ZNF778: variants seen among roughly 807,000 people sequenced by gnomAD.
ZNF778 encodes the protein zinc finger protein 778.
ZNF778 carries 37 observed loss-of-function variants against 23.9 expected under a neutral mutation model. The ratio of observed to expected loss-of-function variants is 1.54; its 90% CI spans 1.19 to 2.03. The LOEUF (loss-of-function observed/expected upper bound fraction) is 2.03, where lower values mean the gene tolerates loss of function less well. Among genes scored for constraint, ZNF778 ranks in the 30% most tolerant of loss-of-function variants. The probability of loss-of-function intolerance (pLI) is 0.00; values close to 1 mark genes in which losing one functional copy is unlikely to be tolerated. For missense variants in ZNF778, 1,297 were observed against 934.4 expected (o/e 1.39, Z -5.06); for synonymous variants, 483 against 343.9 (o/e 1.40, Z -4.48).
In ZNF778 at chr16:89,233,883, C is replaced by T. The variant is rs1321419898; in HGVS notation, c.*5321C>T. The T allele has an allele frequency of 2.3e-6, 3 of 1,289,540 alleles. No individual in the cohort carries two copies. Among genetic ancestry groups the T allele is most frequent in the Non-Finnish European group, 3.0e-6 (3 of 989,024 alleles). 79.9% of individuals were successfully genotyped at this position (1,289,540 alleles called of 1,614,324 possible). The stretch of plus-strand genomic sequence containing the variant: ...TAACTACCACACCAAGCCAGTATTT[C>T]TCCTCCCTGAAGTCAGCCCAGGATG... On this transcript the variant is annotated 3_prime_UTR_variant, in exon 7 of 7. Transcript: ENST00000433976.
At chr16:89,224,236 C>T (rs1424139792) in intron 4 of ZNF778, among the ~76,000 whole-genome samples, 1 of 151,102 alleles carries the variant, frequency 6.6e-6, no homozygotes, top group Non-Finnish European at 1.5e-5. Context: ...CCTGTAATCC[C>T]AGCACTCTGG....
rs112403233 is a variant in ZNF778 at position 89,228,094 on chromosome 16, G to A, written c.1806G>A (p.Ser602=). 37 of 1,612,576 alleles carry A rather than the reference G, an allele frequency of 2.3e-5. No homozygotes were observed. The highest frequency in any genetic ancestry group is 1.9e-4 in the African/African-American group (14 of 74,776). The change falls in exon 7 of 7, where the codon TCG becomes TCA. Residue 602 remains serine, a synonymous_variant. Coordinates refer to ENST00000433976, the MANE Select transcript of ZNF778 (RefSeq NM_001201407.2). The stretch of plus-strand genomic sequence containing the variant: ...GTGGGAAAACATTCACTGTTTCTTC[G>A]AGCCTAACCGAGCACATACGAACTC... ...KDCGKTFTVS[S]SLTEHIRTHT... is the part of the protein sequence containing the mutation.
chr16:89,228,488 T>C lies in ZNF778; in HGVS notation c.2200T>C (p.Cys734Arg). Residue 734 changes from cysteine (C) to arginine (R), a missense_variant, in exon 7 of 7, where the codon TGT becomes CGT. Coordinates refer to ENST00000433976, the MANE Select transcript of ZNF778 (RefSeq NM_001201407.2). ...TEEQVFVCKD[C>R]GKSFKNSSCL... is the part of the protein sequence containing the mutation. ...AGAGCAGGTTTTTGTATGTAAGGAC[T>C]GTGGAAAATCTTTTAAGAATTCCTC... 1 of 1,610,330 alleles carries C rather than the reference T, an allele frequency of 6.2e-7. No individual in the cohort carries two copies. Among genetic ancestry groups the C allele is most frequent in the Non-Finnish European group, 8.5e-7 (1 of 1,178,900 alleles).
chr16:89,220,403 A>G (rs2030809298), intron 1 of ZNF778, among the ~76,000 whole-genome samples: 1 of 152,156 alleles, frequency 6.6e-6, no homozygotes, highest in East Asian at 1.9e-4. Context: ...CACGCCTGTA[A>G]TCTCAACACT....
At position 89,236,390 on chromosome 16, in the gene ZNF778, A is replaced by C. The variant is rs2032237394; in HGVS notation, c.*7828A>C. 1 of 152,206 alleles carries C rather than the reference A, an allele frequency of 6.6e-6. No individual in the cohort carries two copies. The highest frequency in any genetic ancestry group is 6.5e-5 in the Admixed American group (1 of 15,270). 9.4% of individuals were successfully genotyped at this position (152,206 alleles called of 1,614,324 possible). ...GAAATAAAAAGAAATGCCAACCCAG[A>C]TTGCTATATCCAACAAAATATCCTT... On this transcript the variant is annotated 3_prime_UTR_variant, in exon 7 of 7. Transcript: ENST00000433976.
chr16:89,233,367 G>GCACTGCGTATGCAACTCAACT lies in ZNF778; in HGVS notation c.*4807_*4827dup. Reference sequence around the variant, plus strand: ...TCAGCTCGCACTGCGTATGCAACTCGCACTGCGTATGCAACTCAACTCGCA... The same window carrying GCACTGCGTATGCAACTCAACT: ...TCAGCTCGCACTGCGTATGCAACTCGCACTGCGTATGCAACTCAACTCACTGCGTATGCAACTCAACTCGCA... On this transcript the variant is annotated 3_prime_UTR_variant, in exon 7 of 7. Coordinates refer to ENST00000433976, the MANE Select transcript of ZNF778 (RefSeq NM_001201407.2). The GCACTGCGTATGCAACTCAACT allele has an allele frequency of 1.3e-6, 1 of 788,440 alleles. No homozygotes were observed. The highest frequency in any genetic ancestry group is 1.7e-6 in the Non-Finnish European group (1 of 593,952). 48.8% of individuals were successfully genotyped at this position (788,440 alleles called of 1,614,324 possible).
rs2030498295 is a variant in ZNF778 at position 89,217,882 on chromosome 16, C to T, written c.-160C>T. On this transcript the variant is annotated 5_prime_UTR_variant, in exon 1 of 7. Transcript: ENST00000433976. The stretch of plus-strand genomic sequence containing the variant: ...AAAGTCGCCGCCGCTCGCGGTAGAC[C>T]CGGGCAGCGCTTCCATTCCGCGGAG... The T allele has an allele frequency of 6.6e-6, 1 of 152,300 alleles. No homozygotes were observed. The highest frequency in any genetic ancestry group is 1.5e-5 in the Non-Finnish European group (1 of 68,070). The allele number at this position is 152,300 out of a possible 1,614,324, so 9.4% of individuals were successfully genotyped here.
rs542416152 is a variant in ZNF778, at chr16:89,227,064, G to C, written c.776G>C (p.Gly259Ala). The C allele has an allele frequency of 8.2e-5, 132 of 1,613,990 alleles. No homozygotes were observed. In the Middle Eastern group the frequency reaches 8.2e-4, roughly 10 times the overall value. Residue 259 changes from glycine to alanine, a missense_variant, in exon 7 of 7, where the codon GGG (glycine) becomes GCG (alanine). Gly to Ala is a moderately conservative substitution (Grantham distance 60, BLOSUM62 0). Transcript: ENST00000433976. Reference sequence around the variant, plus strand: ...GAAACATGGAAATGGAAGCCGTGTGGGAAAGCTCTAACTCACTCCATGGGC... The same window carrying C: ...GAAACATGGAAATGGAAGCCGTGTGCGAAAGCTCTAACTCACTCCATGGGC... Reference protein sequence around the residue: ...GEETWKWKPCGKALTHSMGCA... With the variant: ...GEETWKWKPCAKALTHSMGCA...
At chr16:89,218,590 C>T (rs1167135332) in intron 1 of ZNF778, among the ~76,000 whole-genome samples, 1 of 144,464 alleles carries the variant, frequency 6.9e-6, no homozygotes. Flanking sequence ...AGGAGACCGA[C>T]ACCATCCTGG....
chr16:89,222,691 G>A (rs925195944), intron 3 of ZNF778, among the ~76,000 whole-genome samples: 1 of 152,168 alleles, frequency 6.6e-6, no homozygotes, highest in Non-Finnish European at 1.5e-5. Flanking sequence ...TTTCACCCTT[G>A]TGCCAAATGC....
intron 1 of ZNF778, among the ~76,000 whole-genome samples, chr16:89,220,230 C>T (rs1206027600): frequency 6.6e-6 from 1 of 152,204 alleles, no homozygotes; most frequent in African/African-American, 2.4e-5. Flanking sequence ...ACAGTTTATA[C>T]AAGGAGAATG....
chr16:89,234,621 T>G lies in ZNF778; in HGVS notation c.*6059T>G. ...TGTTTCCACTTTTGTGATGATGCCT[T>G]AAGGAAAAAGATTGTGCCAGGTGTG... is the stretch of plus-strand genomic sequence containing the variant. On this transcript the variant is annotated 3_prime_UTR_variant, in exon 7 of 7. Transcript: ENST00000433976. 1 of 158,642 alleles carries G rather than the reference T, an allele frequency of 6.3e-6. No homozygotes were observed. The highest frequency in any genetic ancestry group is 1.8e-4 in the South Asian group (1 of 5,418). The allele number at this position is 158,642 out of a possible 1,614,324, so 9.8% of individuals were successfully genotyped here.
rs370155131 is a variant in ZNF778, at chr16:89,227,727, A to C, written c.1439A>C (p.Lys480Thr). The change falls in exon 7 of 7, where the codon AAA becomes ACA. Residue 480 changes from lysine to threonine, a missense_variant. Coordinates refer to ENST00000433976, the MANE Select transcript of ZNF778 (RefSeq NM_001201407.2). ...THTGEKPYEC[K>T]DCGKSFTVSS... ...ACTGGAGAGAAACCATATGAATGTAAAGATTGTGGGAAATCCTTCACTGTT... is the reference window on the plus strand; with the variant it reads ...ACTGGAGAGAAACCATATGAATGTACAGATTGTGGGAAATCCTTCACTGTT... 113 of 1,614,016 alleles carry C rather than the reference A, an allele frequency of 7.0e-5. No homozygotes were observed. Among genetic ancestry groups the C allele is most frequent in the Non-Finnish European group, 8.8e-5 (104 of 1,180,006 alleles).
At chr16:89,220,416 G>T (rs937303653) in intron 1 of ZNF778, among the ~76,000 whole-genome samples, 6 of 152,176 alleles carry the variant, frequency 3.9e-5, no homozygotes, top group Non-Finnish European at 5.9e-5. Context: ...TCAACACTTT[G>T]GGAGGCCGAG....
At chr16:89,223,135 A>G (rs368106527) in intron 3 of ZNF778, 22 bp from the exon 4 acceptor site, 52 of 1,609,256 alleles carry the variant, frequency 3.2e-5, no homozygotes, top group Non-Finnish European at 4.2e-5. Flanking sequence ...GAAGGCTCCA[A>G]CCGTCATGTG....
rs10400958 is a variant in ZNF778, at chr16:89,231,544, G to A, written c.*2982G>A. The A allele has an allele frequency of 0.1, 15,735 of 152,146 alleles. 1,097 individuals carry two copies. The highest frequency in any genetic ancestry group is 0.2 in the African/African-American group (8,209 of 41,430). The allele number at this position is 152,146 out of a possible 1,614,324, so 9.4% of individuals were successfully genotyped here. The stretch of plus-strand genomic sequence containing the variant: ...ACTTCTTCAGAACCTCCTCAGCAGC[G>A]ATGCCCATGGACTGGGGTTCCTAAG... On this transcript the variant is annotated 3_prime_UTR_variant, in exon 7 of 7. Transcript: ENST00000433976.
At position 89,235,271 on chromosome 16, in the gene ZNF778, TC is replaced by T. The variant is rs1394776111; in HGVS notation, c.*6711del. ...TCCAGATCGGGGCCTCATGCTGACT[TC>T]CGTTTTCACACAACGAGTGGGAAAC... On this transcript the variant is annotated 3_prime_UTR_variant, in exon 7 of 7. Transcript: ENST00000433976. 2 of 151,520 alleles carry T rather than the reference TC, an allele frequency of 1.3e-5. No individual in the cohort carries two copies. The highest frequency in any genetic ancestry group is 4.8e-5 in the African/African-American group (2 of 41,414). 9.4% of individuals were successfully genotyped at this position (151,520 alleles called of 1,614,324 possible). A position where few individuals can be genotyped will look rare whatever the true frequency, so the allele number is the denominator to read the frequency against.
intron 6 of ZNF778, 130 bp from the exon 7 acceptor site, chr16:89,226,564 C>G (rs1172984051): frequency 2.7e-6 from 2 of 736,736 alleles, no homozygotes; most frequent in African/African-American, 3.5e-5. Context: ...ATCTACAGGG[C>G]AGGAGCTGCT....
At chr16:89,222,468 A>G (rs1332393746) in intron 3 of ZNF778, among the ~76,000 whole-genome samples, 2 of 152,164 alleles carry the variant, frequency 1.3e-5, no homozygotes. Flanking sequence ...GGTTCAAGCA[A>G]TTCTCCTGCC....
Sources: allele counts gnomAD v4.1 joint callset (sites outside exome capture counted in the v4.1 genomes callset), GRCh38; gene constraint gnomAD v4.1.1; transcripts MANE v1.5; gene names NCBI Gene and HGNC (gene_info 2026-07-23, HGNC 2026-07-21).